RBMS3: variants seen among roughly 807,000 people sequenced by gnomAD.
RBMS3 encodes the protein RNA binding motif single stranded interacting protein 3.
RBMS3 carries 27 observed loss-of-function variants against 66.8 expected under a neutral mutation model. The ratio of observed to expected loss-of-function variants is 0.40; its 90% CI spans 0.30 to 0.56. RBMS3 has a LOEUF of 0.56. Ranked by LOEUF, RBMS3 falls within the 20% of genes least tolerant of loss-of-function variation. The pLI is 0.40. For missense variants in RBMS3, 513 were observed against 549.5 expected (o/e 0.93, Z 0.66); for synonymous variants, 188 against 183.0 (o/e 1.03, Z -0.22).
chr3:29,284,862 CTTTTTTTTTTTT>C (rs773078453), intron 1 of RBMS3, among the ~76,000 whole-genome samples: 1 of 112,760 alleles, frequency 8.9e-6, no homozygotes, highest in Non-Finnish European at 1.7e-5. Context: ...ATGAATTTTT[CTTTTTTTTTTTT>C]TTTTTTTTTA....
At chr3:29,704,545 C>A (rs948038360) in intron 4 of RBMS3, among the ~76,000 whole-genome samples, 5 of 152,172 alleles carry the variant, frequency 3.3e-5, no homozygotes, top group Admixed American at 6.5e-5. Flanking sequence ...GCAGTTGCCT[C>A]ATCTGTAAAA....
At chr3:29,685,631 A>T (rs1314888256) in intron 4 of RBMS3, among the ~76,000 whole-genome samples, 1 of 152,230 alleles carries the variant, frequency 6.6e-6, no homozygotes, top group African/African-American at 2.4e-5. Flanking sequence ...TATACTTATT[A>T]GAAAGAAATC....
intron 7 of RBMS3, among the ~76,000 whole-genome samples, 158 bp downstream of exon 7, chr3:29,869,122 G>A (rs775262562): frequency 2.1e-4 from 32 of 152,280 alleles, no homozygotes; most frequent in Admixed American, 1.1e-3. Context: ...ATGTGTTCTA[G>A]ATGAAATTAT....
intron 3 of RBMS3, among the ~76,000 whole-genome samples, chr3:29,546,716 G>A (rs1034709276): frequency 6.6e-6 from 1 of 152,116 alleles, no homozygotes; most frequent in African/African-American, 2.4e-5. Flanking sequence ...CATTGGGCTG[G>A]GATACAGAAA....
rs1553692501 is a variant in RBMS3, at chr3:29,884,469, T to TCTCTCTCTCTAC, written c.791+262_791+263insTCTCTCTCTACC. Among the ~76,000 whole-genome samples, 43 of 66,352 alleles carry TCTCTCTCTCTAC rather than the reference T, an allele frequency of 6.5e-4. 1 individual carries two copies. Among genetic ancestry groups the TCTCTCTCTCTAC allele is most frequent in the African/African-American group, 2.2e-3 (42 of 19,058 alleles). 43.5% of individuals were successfully genotyped at this position (66,352 alleles called of 152,430 possible). On this transcript the variant is annotated intron_variant, in intron 8 of 14. Coordinates refer to ENST00000383767, the MANE Select transcript of RBMS3 (RefSeq NM_001003793.3). ...CTCTCTCTCTCTCTCTCTCTCTCTC[T>TCTCTCTCTCTAC]CCCCCCCCGCTCCCTCCCTCCCTCC... is the stretch of plus-strand genomic sequence containing the variant.
chr3:29,962,695 C>A (rs1390993260), intron 12 of RBMS3, among the ~76,000 whole-genome samples: 2 of 152,042 alleles, frequency 1.3e-5, no homozygotes, highest in East Asian at 3.9e-4. Flanking sequence ...TTACATCTTG[C>A]TTGGATATTA....
At chr3:29,940,775 C>T (rs1218194310) in intron 11 of RBMS3, among the ~76,000 whole-genome samples, 1 of 150,120 alleles carries the variant, frequency 6.7e-6, no homozygotes, top group Non-Finnish European at 1.5e-5. Flanking sequence ...AAAAAAAGTG[C>T]ATCTTATGCA....
At chr3:29,315,945 T>C (rs2034646513) in intron 1 of RBMS3, among the ~76,000 whole-genome samples, 1 of 151,806 alleles carries the variant, frequency 6.6e-6, no homozygotes, top group Non-Finnish European at 1.5e-5. Context: ...TTCTAGCTTC[T>C]TGAGATAAAT....
chr3:29,648,263 ATTTTTT>A (rs749839563), intron 4 of RBMS3, among the ~76,000 whole-genome samples: 18 of 77,650 alleles, frequency 2.3e-4, no homozygotes, highest in Non-Finnish European at 4.1e-4. Flanking sequence ...GAAAATGTCT[ATTTTTT>A]TTTTTTTTTT....
intron 6 of RBMS3, among the ~76,000 whole-genome samples, chr3:29,815,587 T>C (rs902713632): frequency 8.5e-5 from 13 of 152,102 alleles, no homozygotes; most frequent in African/African-American, 3.1e-4. Context: ...ATATACACCA[T>C]GGAATAATAC....
chr3:29,543,865 T>C (rs906913914), intron 3 of RBMS3, among the ~76,000 whole-genome samples: 1 of 152,200 alleles, frequency 6.6e-6, no homozygotes, highest in Non-Finnish European at 1.5e-5. Context: ...TCTTCTAGAA[T>C]AGTTGTAATA....
intron 6 of RBMS3, among the ~76,000 whole-genome samples, chr3:29,862,664 G>A (rs1421614729): frequency 6.6e-6 from 1 of 151,948 alleles, no homozygotes; most frequent in African/African-American, 2.4e-5. Context: ...CAGGCAGGGA[G>A]GAACTGCCCT....
chr3:29,479,138 C>T (rs905597813), intron 2 of RBMS3, among the ~76,000 whole-genome samples: 3 of 152,002 alleles, frequency 2.0e-5, no homozygotes, highest in African/African-American at 7.3e-5. Flanking sequence ...TGAACTTAGT[C>T]AAGTAACTTA....
chr3:29,954,911 C>T (rs77905123), intron 12 of RBMS3, among the ~76,000 whole-genome samples: 13,774 of 151,978 alleles, frequency 0.091, 1,103 homozygotes, highest in South Asian at 0.21. Context: ...GTTAATAGAA[C>T]AATTAGGAGT....
chr3:29,440,899 TGTCA>T (rs1559363892), intron 2 of RBMS3, among the ~76,000 whole-genome samples: 1 of 152,234 alleles, frequency 6.6e-6, no homozygotes, highest in African/African-American at 2.4e-5. Context: ...CACAATAATC[TGTCA>T]GACTGTTCAG....
chr3:29,512,630 T>C (rs3773050), intron 3 of RBMS3, among the ~76,000 whole-genome samples: 26,396 of 152,080 alleles, frequency 0.17, 3,006 homozygotes, highest in East Asian at 0.47. Flanking sequence ...TGAGGATTAC[T>C]ACTAAGGACT....
intron 3 of RBMS3, among the ~76,000 whole-genome samples, chr3:29,492,007 A>G (rs2043566386): frequency 2.0e-5 from 3 of 151,874 alleles, no homozygotes; most frequent in Admixed American, 2.0e-4. Flanking sequence ...AAAAAAAAAG[A>G]AATTGGACAC....
intron 4 of RBMS3, among the ~76,000 whole-genome samples, chr3:29,635,953 C>G (rs1356992488): frequency 6.6e-6 from 1 of 151,604 alleles, no homozygotes; most frequent in East Asian, 1.9e-4. Flanking sequence ...CTAAGAAATC[C>G]TGTTACAATA....
At chr3:29,581,375 A>G (rs1004885086) in intron 3 of RBMS3, among the ~76,000 whole-genome samples, 4 of 152,202 alleles carry the variant, frequency 2.6e-5, no homozygotes, top group Non-Finnish European at 4.4e-5. Context: ...GTTTAGGGAT[A>G]CAGTAGAAAT....
Sources: allele counts gnomAD v4.1 joint callset (sites outside exome capture counted in the v4.1 genomes callset), GRCh38; gene constraint gnomAD v4.1.1; transcripts MANE v1.5; gene names NCBI Gene and HGNC (gene_info 2026-07-23, HGNC 2026-07-21).